NR2C1: variants seen among roughly 807,000 people sequenced by gnomAD.
NR2C1 encodes the protein TR2 nuclear hormone receptor.
Under a neutral mutation model 74.8 loss-of-function variants are expected in NR2C1, and 33 were observed. The observed-to-expected ratio is 0.44, with a 90% CI of 0.33 to 0.59. The LOEUF (loss-of-function observed/expected upper bound fraction) is 0.59, where lower values mean the gene tolerates loss of function less well. Ranked by LOEUF, NR2C1 falls within the 20% of genes least tolerant of loss-of-function variation. The pLI is 0.02. For missense variants in NR2C1, 568 were observed against 715.6 expected (o/e 0.79, Z 2.35); for synonymous variants, 225 against 240.6 (o/e 0.94, Z 0.60).
At chr12:95,054,221 A>G (rs999628350) in intron 7 of NR2C1, among the ~76,000 whole-genome samples, 1 of 152,134 alleles carries the variant, frequency 6.6e-6, no homozygotes, top group Non-Finnish European at 1.5e-5. Flanking sequence ...TCTGAAATAG[A>G]AATCATCATT....
chr12:95,052,243 C>T (rs1030033401), intron 7 of NR2C1, among the ~76,000 whole-genome samples: 3 of 151,706 alleles, frequency 2.0e-5, no homozygotes, highest in African/African-American at 7.3e-5. Flanking sequence ...GCAACCTCTG[C>T]CTGCCAGGTT....
chr12:95,069,099 A>G (rs981329392), intron 1 of NR2C1, among the ~76,000 whole-genome samples: 1 of 152,266 alleles, frequency 6.6e-6, no homozygotes, highest in African/African-American at 2.4e-5. Flanking sequence ...TTTTCATTGA[A>G]TAAGTGTTTG....
chr12:95,066,356 A>C (rs1429780165), intron 2 of NR2C1, among the ~76,000 whole-genome samples: 10 of 152,238 alleles, frequency 6.6e-5, no homozygotes, highest in African/African-American at 1.9e-4. Flanking sequence ...ATAAAACATC[A>C]GCCAGGCACG....
rs144726031 is a variant in NR2C1 at position 95,062,642 on chromosome 12, C to T, written c.151G>A (p.Gly51Ser). The T allele has an allele frequency of 3.5e-3, 5,593 of 1,614,002 alleles. 24 individuals are homozygous for T. Among genetic ancestry groups the T allele is most frequent in the Non-Finnish European group, 4.5e-3 (5,311 of 1,179,976 alleles). The change falls in exon 3 of 14, where the codon GGC becomes AGC. Residue 51 changes from glycine (G) to serine (S), a missense_variant. Physicochemically the swap from Gly to Ser is moderately conservative, Grantham distance 56 (BLOSUM62 0). This residue lies in a region of NR2C1 where 128 missense variants were observed against 118.9 expected (regional missense o/e 1.08). Coordinates refer to ENST00000333003, the MANE Select transcript of NR2C1 (RefSeq NM_003297.4). ...AGAATGACTTTGCTTGGAGTAGAGC[C>T]GTCGTGATTTGTCAGAATGAACTGC... ...GKQFILTNHD[G>S]STPSKVILAR... is the part of the protein sequence containing the mutation.
intron 7 of NR2C1, 98 bp from the exon 8 acceptor site, chr12:95,052,041 C>G (rs1024512854): frequency 1.4e-6 from 1 of 740,726 alleles, no homozygotes; most frequent in African/African-American, 1.8e-5. Context: ...AACAAAAGAA[C>G]AGTATGATAA....
Position 95,057,767 on chromosome 12 carries a change from G to A in NR2C1, c.656C>T (p.Ala219Val). 1 of 1,614,096 alleles carries A rather than the reference G, an allele frequency of 6.2e-7. No individual in the cohort carries two copies. The highest frequency in any genetic ancestry group is 1.1e-5 in the South Asian group (1 of 91,072). ...ACTATCTGTTACAAAAGTTGGAGTT[G>A]CAGTTAATGGGCTACGAAGGTCCTT... ...IRKDLRSPLT[A>V]TPTFVTDSES... Residue 219 changes from alanine to valine, a missense_variant, in exon 6 of 14, where the codon GCA (alanine) becomes GTA (valine). Transcript: ENST00000333003.
chr12:95,040,652 A>G lies in NR2C1; in HGVS notation c.1132-55T>C, dbSNP rs1342699736. ...TCTTATGACTGAAAAGTTCTAAATT[A>G]TCATTTCTTTGAAAAAGTTTAAACG... On this transcript the variant is annotated intron_variant, in intron 9 of 13. Transcript: ENST00000333003. 4 of 1,517,114 alleles carry G rather than the reference A, an allele frequency of 2.6e-6. No homozygotes were observed. The South Asian group carries it at 3.8e-5, about 14-fold the overall frequency. 94.0% of individuals were successfully genotyped at this position (1,517,114 alleles called of 1,614,324 possible).
In NR2C1 at chr12:95,032,098, C is replaced by T. The variant is rs146338539; in HGVS notation, c.1254-610G>A. 5.6e-3 allele frequency among the ~76,000 whole-genome samples: 852 copies of T among 152,328 alleles called. 7 individuals carry two copies. The highest frequency in any genetic ancestry group is 0.019 in the African/African-American group (805 of 41,584). On this transcript the variant is annotated intron_variant, in intron 10 of 13. Transcript: ENST00000333003. Reference sequence around the variant, plus strand: ...GACCAGGCTGGTCTTGAACTCCTGACCTCAGCTGATCCGCCTGCCTTGGCC... The same window carrying T: ...GACCAGGCTGGTCTTGAACTCCTGATCTCAGCTGATCCGCCTGCCTTGGCC...
At chr12:95,051,723 T>G in intron 8 of NR2C1, 39 bp downstream of exon 8, 1 of 1,529,316 alleles carries the variant, frequency 6.5e-7, no homozygotes, top group Non-Finnish European at 8.8e-7. Context: ...CTGAAAGACA[T>G]GTAAACAAAA....
intron 10 of NR2C1, among the ~76,000 whole-genome samples, chr12:95,036,786 C>T (rs975473267): frequency 6.6e-6 from 1 of 152,194 alleles, no homozygotes; most frequent in African/African-American, 2.4e-5. Context: ...GCTGAGATTA[C>T]AGGCATGAGC....
chr12:95,072,605 T>C (rs879756125), intron 1 of NR2C1: 1 of 152,202 alleles, frequency 6.6e-6, no homozygotes, highest in Admixed American at 6.5e-5. Flanking sequence ...CTGCTTTTGC[T>C]TTCCGGTTAC....
At chr12:95,071,071 G>A (rs1449140446) in intron 1 of NR2C1, among the ~76,000 whole-genome samples, 1 of 152,086 alleles carries the variant, frequency 6.6e-6, no homozygotes, top group East Asian at 1.9e-4. Context: ...TGTGGTGGAC[G>A]GCGCCTGTGA....
At chr12:95,028,781 C>T (rs1323411230) in intron 11 of NR2C1, among the ~76,000 whole-genome samples, 3 of 152,008 alleles carry the variant, frequency 2.0e-5, no homozygotes, top group Non-Finnish European at 4.4e-5. Context: ...AGGCGCATGC[C>T]ACCGCGCCCA....
chr12:95,050,093 AC>A (rs1227526675), intron 8 of NR2C1, among the ~76,000 whole-genome samples: 1 of 152,112 alleles, frequency 6.6e-6, no homozygotes, highest in African/African-American at 2.4e-5. Flanking sequence ...GAGCTACTGC[AC>A]CCGGGCAGAG....
chr12:95,048,621 A>G (rs921551779), intron 9 of NR2C1, among the ~76,000 whole-genome samples: 2 of 123,758 alleles, frequency 1.6e-5, no homozygotes, highest in South Asian at 2.8e-4. Context: ...TATGCAGATG[A>G]GTTTTTTTTT....
At chr12:95,034,320 C>T (rs929358465) in intron 10 of NR2C1, among the ~76,000 whole-genome samples, 2 of 151,822 alleles carry the variant, frequency 1.3e-5, no homozygotes, top group African/African-American at 4.8e-5. Context: ...CAAAGAAAAC[C>T]GGTATTTTAT....
intron 2 of NR2C1, among the ~76,000 whole-genome samples, chr12:95,064,344 AAAAAG>A (rs1055491892): frequency 6.6e-6 from 1 of 151,836 alleles, no homozygotes; most frequent in African/African-American, 2.4e-5. Context: ...AAAAAAAAAA[AAAAAG>A]TTCAGAAGTA....
chr12:95,040,841 A>AT (rs1435086747), intron 9 of NR2C1, among the ~76,000 whole-genome samples: 1 of 152,210 alleles, frequency 6.6e-6, no homozygotes, highest in Admixed American at 6.5e-5. Context: ...ATCAACGATG[A>AT]TATTATCTGG....
chr12:95,052,071 AG>A (rs1369738044), intron 7 of NR2C1, 128 bp from the exon 8 acceptor site: 3 of 552,070 alleles, frequency 5.4e-6, no homozygotes, highest in Admixed American at 7.7e-5. Context: ...GGAAAGTTAA[AG>A]GGCTGAGCTT....
Sources: allele counts gnomAD v4.1 joint callset (sites outside exome capture counted in the v4.1 genomes callset), GRCh38; gene constraint gnomAD v4.1.1; regional missense constraint gnomAD v4.1.1; transcripts MANE v1.5; gene names NCBI Gene and HGNC (gene_info 2026-07-23, HGNC 2026-07-21).